The following TRMT11 variants were observed in gnomAD, a reference collection of about 807,000 sequenced individuals.
TRMT11 encodes the protein tRNA (guanine(10)-N(2))-methyltransferase TRMT11.
Under a neutral mutation model 62.8 loss-of-function variants are expected in TRMT11, and 53 were observed. The ratio of observed to expected loss-of-function variants is 0.84; its 90% CI spans 0.68 to 1.06. The LOEUF (loss-of-function observed/expected upper bound fraction) is 1.06, where lower values mean the gene tolerates loss of function less well. TRMT11 is among the 50% of genes least tolerant of loss of function. The pLI is 0.00. For missense variants in TRMT11, 556 were observed against 553.4 expected (o/e 1.00, Z -0.05); for synonymous variants, 188 against 190.3 (o/e 0.99, Z 0.10).
chr6:126,137,930 A>C (rs1465152744), intron 21 of TRMT11, among the ~76,000 whole-genome samples: 1 of 151,880 alleles, frequency 6.6e-6, no homozygotes, highest in Non-Finnish European at 1.5e-5. Context: ...GATCTCATGG[A>C]TATAGAATAG....
At chr6:126,003,388 A>G (rs1792837955) in intron 7 of TRMT11, among the ~76,000 whole-genome samples, 1 of 152,118 alleles carries the variant, frequency 6.6e-6, no homozygotes, top group African/African-American at 2.4e-5. Flanking sequence ...CCTCTGTCCT[A>G]GGGTAAATTC....
intron 21 of TRMT11, among the ~76,000 whole-genome samples, chr6:126,154,326 T>A (rs1417591508): frequency 6.8e-6 from 1 of 146,664 alleles, no homozygotes; most frequent in African/African-American, 2.7e-5. Flanking sequence ...AATAAAGATA[T>A]GTGTGTGTGT....
At chr6:126,228,679 G>A in the TRMT11 span, among the ~76,000 whole-genome samples, 2 of 152,172 alleles carry the variant, frequency 1.3e-5, no homozygotes, top group Non-Finnish European at 2.9e-5. Flanking sequence ...GGGCTGCTGC[G>A]AATTACACAG....
At chr6:126,158,462 A>G (rs1306276263) in intron 21 of TRMT11, among the ~76,000 whole-genome samples, 1 of 152,208 alleles carries the variant, frequency 6.6e-6, no homozygotes, top group Admixed American at 6.5e-5. Flanking sequence ...TGGGAAGACT[A>G]TAGGAGGAAG....
intron 6 of TRMT11, among the ~76,000 whole-genome samples, chr6:125,998,950 T>G (rs577231707): frequency 3.6e-5 from 5 of 139,790 alleles, no homozygotes; most frequent in African/African-American, 1.0e-4. Flanking sequence ...ATCTGGACTG[T>G]TTTTTTTTTT....
At chr6:126,243,475 C>T in the TRMT11 span, among the ~76,000 whole-genome samples, 1 of 152,144 alleles carries the variant, frequency 6.6e-6, no homozygotes, top group Non-Finnish European at 1.5e-5. Flanking sequence ...GCTATAAAGA[C>T]ACATGCACAC....
chr6:126,208,669 C>CTCAT (rs1778811674), downstream of TRMT11, among the ~76,000 whole-genome samples: 1 of 152,164 alleles, frequency 6.6e-6, no homozygotes, highest in African/African-American at 2.4e-5. Flanking sequence ...CATCCGTTAT[C>CTCAT]TCATTAAATT....
chr6:126,038,521 T>G (rs1330005509), intron 12 of TRMT11, among the ~76,000 whole-genome samples, 184 bp from the exon 13 acceptor site: 2 of 151,700 alleles, frequency 1.3e-5, no homozygotes, highest in African/African-American at 2.4e-5. Context: ...ATGAAAACAC[T>G]TTGGATATCC....
the TRMT11 span, among the ~76,000 whole-genome samples, chr6:126,211,572 G>A: frequency 6.6e-6 from 1 of 151,672 alleles, no homozygotes; most frequent in Non-Finnish European, 1.5e-5. Flanking sequence ...TTTTCAATAT[G>A]CAGACCTCTG....
rs575959968 is a variant in TRMT11 at position 126,019,071 on chromosome 6, G to A, written c.1140-2089G>A. 2.6e-5 allele frequency among the ~76,000 whole-genome samples: 4 copies of A among 152,046 alleles called. No homozygotes were observed. The East Asian group carries it at 7.7e-4, about 29-fold the overall frequency. On this transcript the variant is annotated intron_variant, in intron 11 of 12. Coordinates refer to ENST00000334379, the MANE Select transcript of TRMT11 (RefSeq NM_001031712.3). Reference sequence around the variant, plus strand: ...AATTTTGTATTTTTAGCAGAGACGGGGTTTCACCATTTTGGCCAGGCTGGT... The same window carrying A: ...AATTTTGTATTTTTAGCAGAGACGGAGTTTCACCATTTTGGCCAGGCTGGT...
chr6:126,268,851 A>G, the TRMT11 span, among the ~76,000 whole-genome samples: 98 of 152,364 alleles, frequency 6.4e-4, no homozygotes, highest in Middle Eastern at 6.8e-3. Context: ...AACCAAACAC[A>G]AATTTTAAAT....
chr6:126,205,284 C>G (rs912682169), downstream of TRMT11, among the ~76,000 whole-genome samples: 2 of 152,180 alleles, frequency 1.3e-5, no homozygotes, highest in Non-Finnish European at 2.9e-5. Context: ...GTGGGCAGGT[C>G]ACGAGGTCAG....
chr6:126,008,638 A>G (rs1481486587), intron 8 of TRMT11, 166 bp downstream of exon 8: 1 of 720,166 alleles, frequency 1.4e-6, no homozygotes, highest in South Asian at 1.4e-5. Flanking sequence ...CAATCCCTCC[A>G]CTTCCTCTTC....
At chr6:126,004,987 T>A (rs978669949) in intron 7 of TRMT11, among the ~76,000 whole-genome samples, 1 of 152,136 alleles carries the variant, frequency 6.6e-6, no homozygotes, top group African/African-American at 2.4e-5. Context: ...AAAAATTCTT[T>A]TTTTAAAGTG....
intron 11 of TRMT11, among the ~76,000 whole-genome samples, chr6:126,017,387 G>A (rs570901665): frequency 1.4e-4 from 21 of 152,312 alleles, no homozygotes; most frequent in African/African-American, 4.8e-4. Flanking sequence ...GGAAAATTGT[G>A]AGAGCTAATG....
intron 17 of TRMT11, among the ~76,000 whole-genome samples, chr6:126,057,895 G>A (rs1776415514): frequency 6.6e-6 from 1 of 152,074 alleles, no homozygotes; most frequent in Non-Finnish European, 1.5e-5. Context: ...TAAAGGGCTG[G>A]CAAGGATTGG....
chr6:126,149,655 G>A (rs1043899937), intron 21 of TRMT11, among the ~76,000 whole-genome samples: 20 of 152,168 alleles, frequency 1.3e-4, no homozygotes, highest in African/African-American at 4.8e-4. Context: ...CACAGAAAAA[G>A]GGAAGGCAAT....
the TRMT11 span, among the ~76,000 whole-genome samples, chr6:126,263,463 C>A: frequency 6.6e-6 from 1 of 152,158 alleles, no homozygotes; most frequent in African/African-American, 2.4e-5. Context: ...ACACAAAAAT[C>A]TCCACAAAAA....
At chr6:126,154,484 A>G (rs1778095599) in intron 21 of TRMT11, among the ~76,000 whole-genome samples, 1 of 152,126 alleles carries the variant, frequency 6.6e-6, no homozygotes. Flanking sequence ...AAGAAGAGAG[A>G]AATGTGGTTT....
Sources: gnomAD v4.1 joint callset for allele counts (sites outside exome capture counted in the v4.1 genomes callset) on GRCh38, gnomAD v4.1.1 for gene constraint, MANE v1.5 for transcripts, NCBI Gene and HGNC (gene_info 2026-07-23, HGNC 2026-07-21) for gene names.